RUNX1: variants seen among roughly 807,000 people sequenced by gnomAD.
RUNX1 encodes RUNX family transcription factor 1, also known as runt-related transcription factor 1.
A neutral mutation model predicts 42.8 loss-of-function variants in RUNX1; 19 were observed. The observed-to-expected ratio is 0.44, with a 90% CI of 0.31 to 0.65. The LOEUF is 0.65. Among genes scored for constraint, RUNX1 ranks in the 30% least tolerant of loss-of-function variants. The probability of loss-of-function intolerance (pLI) is 0.07; values close to 1 mark genes in which losing one functional copy is unlikely to be tolerated. For missense variants in RUNX1, 528 were observed against 672.0 expected, an observed-to-expected ratio of 0.79 and a Z score of 2.37; for synonymous variants, 271 against 289.4, an observed-to-expected ratio of 0.94 and a Z score of 0.64.
At chr21:34,835,079 C>T (rs534125001) in intron 6 of RUNX1, among the ~76,000 whole-genome samples, 33 of 152,290 alleles carry the variant, frequency 2.2e-4, no homozygotes, top group East Asian at 9.7e-4. Context: ...AAGTGGGCCC[C>T]GCAGCTTAGT....
At chr21:34,796,708 G>A (rs2056532860) in intron 8 of RUNX1, among the ~76,000 whole-genome samples, 1 of 152,188 alleles carries the variant, frequency 6.6e-6, no homozygotes, top group Admixed American at 6.5e-5. Flanking sequence ...AACAACCTGA[G>A]CAGGTAATGG....
At chr21:34,817,241 C>G (rs935036311) in intron 7 of RUNX1, among the ~76,000 whole-genome samples, 1 of 152,104 alleles carries the variant, frequency 6.6e-6, no homozygotes, top group Non-Finnish European at 1.5e-5. Context: ...TGCTATTCAC[C>G]GTCTGTCACT....
chr21:34,926,858 A>G (rs2058399498), intron 2 of RUNX1, among the ~76,000 whole-genome samples: 1 of 152,154 alleles, frequency 6.6e-6, no homozygotes, highest in Admixed American at 6.5e-5. Flanking sequence ...TCAGCACCTT[A>G]GAGAGAAAAT....
At chr21:34,932,217 AGAT>A (rs2058452623) in intron 2 of RUNX1, among the ~76,000 whole-genome samples, 1 of 152,210 alleles carries the variant, frequency 6.6e-6, no homozygotes, top group South Asian at 2.1e-4. Flanking sequence ...ATTACAGTAT[AGAT>A]GTTATAAACA....
intron 6 of RUNX1, among the ~76,000 whole-genome samples, chr21:34,847,399 G>A (rs1022021365): frequency 5.9e-5 from 9 of 151,924 alleles, no homozygotes; most frequent in East Asian, 3.9e-4. Flanking sequence ...AAGACACGAC[G>A]AGATAATATC....
At chr21:34,842,267 C>T (rs892601271) in intron 6 of RUNX1, among the ~76,000 whole-genome samples, 6 of 151,992 alleles carry the variant, frequency 3.9e-5, no homozygotes, top group Admixed American at 2.0e-4. Flanking sequence ...CCGACACAGG[C>T]GGGTCACTTG....
At chr21:34,904,618 AT>A (rs1354837423) in intron 2 of RUNX1, among the ~76,000 whole-genome samples, 1 of 152,074 alleles carries the variant, frequency 6.6e-6, no homozygotes, top group East Asian at 1.9e-4. Flanking sequence ...GCACACTCCC[AT>A]TTTTTTCTTT....
At chr21:34,883,245 C>T (rs1219903896) in intron 4 of RUNX1, among the ~76,000 whole-genome samples, 2 of 151,164 alleles carry the variant, frequency 1.3e-5, no homozygotes, top group Non-Finnish European at 3.0e-5. Flanking sequence ...TCCCACTCCT[C>T]TTTTTTTTTA....
At chr21:34,921,443 T>C (rs994563787) in intron 2 of RUNX1, among the ~76,000 whole-genome samples, 5 of 152,192 alleles carry the variant, frequency 3.3e-5, no homozygotes, top group Admixed American at 3.3e-4. Context: ...TCAAGCTTCA[T>C]CCATATTGTA....
chr21:34,924,021 T>G (rs947157224), intron 2 of RUNX1, among the ~76,000 whole-genome samples: 5 of 152,210 alleles, frequency 3.3e-5, no homozygotes, highest in Non-Finnish European at 7.4e-5. Context: ...GTTGTTGTAT[T>G]GACATTTTTG....
chr21:34,929,040 G>A (rs894317800), intron 2 of RUNX1, among the ~76,000 whole-genome samples: 5 of 151,812 alleles, frequency 3.3e-5, no homozygotes, highest in Non-Finnish European at 7.4e-5. Flanking sequence ...CGAACCTGTA[G>A]AAAGCATCTA....
chr21:34,937,421 A>T (rs189693859), intron 2 of RUNX1, among the ~76,000 whole-genome samples: 5 of 151,900 alleles, frequency 3.3e-5, no homozygotes, highest in Admixed American at 2.0e-4. Context: ...CATGCCTATA[A>T]GTTAATCGAT....
chr21:34,792,109 G>T lies in RUNX1; in HGVS notation c.*26C>A. On this transcript the variant is annotated 3_prime_UTR_variant, in exon 9 of 9. Coordinates refer to ENST00000675419, the MANE Select transcript of RUNX1 (RefSeq NM_001754.5). This position sits in a 1 kb window ranked among gnomAD's most constrained non-coding sequence, Gnocchi z 6.9. ...CGGAGGCGAAGGCGGCGGCCCGCGG[G>T]GCCCAGCCGGGCCAGGCCTGGCGCC... The T allele has an allele frequency of 7.4e-7, 1 of 1,342,948 alleles. No homozygotes were observed. The highest frequency in any genetic ancestry group is 9.5e-7 in the Non-Finnish European group (1 of 1,051,048). 83.2% of individuals were successfully genotyped at this position (1,342,948 alleles called of 1,614,324 possible).
intron 7 of RUNX1, among the ~76,000 whole-genome samples, chr21:34,818,675 C>T (rs931638643): frequency 6.6e-6 from 1 of 152,202 alleles, no homozygotes; most frequent in Non-Finnish European, 1.5e-5. Flanking sequence ...AGAGACTCAA[C>T]AATTTAAGGC....
intron 2 of RUNX1, among the ~76,000 whole-genome samples, chr21:35,046,012 C>T (rs1020765424): frequency 7.2e-5 from 11 of 152,144 alleles, no homozygotes; most frequent in African/African-American, 2.4e-4. Flanking sequence ...ATGTACGTGC[C>T]GAGGCTTTTC....
intron 3 of RUNX1, among the ~76,000 whole-genome samples, chr21:34,888,965 G>A (rs1471175046): frequency 6.6e-6 from 1 of 151,394 alleles, no homozygotes; most frequent in Non-Finnish European, 1.5e-5. Flanking sequence ...CCGCCCGCGT[G>A]CGGACCCCTT....
At chr21:34,810,202 ATGT>A (rs1017696376) in intron 7 of RUNX1, among the ~76,000 whole-genome samples, 3 of 152,210 alleles carry the variant, frequency 2.0e-5, no homozygotes, top group Non-Finnish European at 4.4e-5. Context: ...CACTTTTTTG[ATGT>A]TGTAAAATGT....
intron 7 of RUNX1, among the ~76,000 whole-genome samples, chr21:34,814,411 A>G (rs1287935444): frequency 2.0e-5 from 3 of 152,172 alleles, no homozygotes; most frequent in African/African-American, 7.2e-5. Flanking sequence ...ATGGCCTTAA[A>G]CTGCCAAGTG....
Position 34,883,147 on chromosome 21 carries a change from A to G in RUNX1, c.352-2434T>C, listed in dbSNP as rs148539730. Among the ~76,000 whole-genome samples, 92 of 152,368 alleles carry G rather than the reference A, an allele frequency of 6.0e-4. 1 individual carries two copies. In the East Asian group the frequency reaches 0.015, roughly 24 times the overall value. ...TTCAGGAGACCTTCGCCAAGTCGAAACAAACATAGAATAAAATTATCATGG... is the reference window on the plus strand; with the variant it reads ...TTCAGGAGACCTTCGCCAAGTCGAAGCAAACATAGAATAAAATTATCATGG... On this transcript the variant is annotated intron_variant, in intron 4 of 8. Coordinates refer to ENST00000675419, the MANE Select transcript of RUNX1 (RefSeq NM_001754.5).
Sources: gnomAD v4.1 joint callset for allele counts (sites outside exome capture counted in the v4.1 genomes callset) on GRCh38, gnomAD v4.1.1 for gene constraint, Gnocchi (gnomAD v3.1) non-coding constraint, MANE v1.5 for transcripts, NCBI Gene and HGNC (gene_info 2026-07-23, HGNC 2026-07-21) for gene names.